TRPM3: variants seen among roughly 807,000 people sequenced by gnomAD.
TRPM3 encodes the protein long transient receptor potential channel 3.
A neutral mutation model predicts 181.2 loss-of-function variants in TRPM3; 77 were observed. The observed-to-expected ratio is 0.42, with a 90% CI of 0.35 to 0.51. The LOEUF (loss-of-function observed/expected upper bound fraction) is 0.51, where lower values mean the gene tolerates loss of function less well. Ranked by LOEUF, TRPM3 falls within the 20% of genes least tolerant of loss-of-function variation. The pLI is 0.01. For synonymous variants in TRPM3, 745 were observed against 796.4 expected (o/e 0.94, Z 1.09); for missense variants, 1,759 against 2,196.7 (o/e 0.80, Z 3.98).
intron 1 of TRPM3, among the ~76,000 whole-genome samples, chr9:71,177,780 A>G (rs999949804): frequency 2.6e-5 from 4 of 152,022 alleles, no homozygotes; most frequent in Admixed American, 6.6e-5. Flanking sequence ...GGACTAGCAC[A>G]CTAAGGCTTG....
At chr9:71,246,650 T>A (rs2082051049) in intron 1 of TRPM3, among the ~76,000 whole-genome samples, 1 of 152,246 alleles carries the variant, frequency 6.6e-6, no homozygotes, top group South Asian at 2.1e-4. Context: ...TAACTGGCAT[T>A]CGCATACAAT....
At chr9:70,797,913 C>A (rs1008462172) in intron 6 of TRPM3, among the ~76,000 whole-genome samples, 4 of 152,202 alleles carry the variant, frequency 2.6e-5, no homozygotes, top group African/African-American at 9.7e-5. Context: ...TGTCATTAAA[C>A]CCACTTGGCC....
chr9:70,606,879 C>G (rs1308097462), intron 19 of TRPM3, among the ~76,000 whole-genome samples: 1 of 152,192 alleles, frequency 6.6e-6, no homozygotes, highest in Middle Eastern at 3.4e-3. Context: ...TGCTATGGAT[C>G]CCTGGTGGGG....
chr9:71,314,005 T>G (rs1342446775), intron 1 of TRPM3, among the ~76,000 whole-genome samples: 2 of 152,176 alleles, frequency 1.3e-5, no homozygotes, highest in Admixed American at 6.6e-5. Context: ...TGTAAAATTC[T>G]TTTCCATGTC....
intron 1 of TRPM3, among the ~76,000 whole-genome samples, chr9:70,967,057 G>T (rs371681585): frequency 7.4e-6 from 1 of 134,654 alleles, no homozygotes; most frequent in South Asian, 2.4e-4. Flanking sequence ...AAAAGAAGCA[G>T]TTTTCCCTTG....
chr9:71,010,283 G>C (rs926494682), intron 1 of TRPM3, among the ~76,000 whole-genome samples: 3 of 152,100 alleles, frequency 2.0e-5, no homozygotes, highest in African/African-American at 7.2e-5. Flanking sequence ...GAGTAACAGA[G>C]TGAATAAACA....
chr9:71,055,116 A>G (rs2060508956), intron 1 of TRPM3, among the ~76,000 whole-genome samples: 1 of 152,082 alleles, frequency 6.6e-6, no homozygotes, highest in Non-Finnish European at 1.5e-5. Flanking sequence ...CTTAGGTTGT[A>G]TTTCGACCAT....
At chr9:70,877,762 T>C (rs142223181) in intron 1 of TRPM3, among the ~76,000 whole-genome samples, 193 of 150,924 alleles carry the variant, frequency 1.3e-3, no homozygotes, top group African/African-American at 4.5e-3. Context: ...AAATGATACC[T>C]TGTTTTCCGT....
At chr9:71,136,967 T>C (rs1469000742) in intron 1 of TRPM3, among the ~76,000 whole-genome samples, 2 of 152,176 alleles carry the variant, frequency 1.3e-5, no homozygotes, top group Non-Finnish European at 2.9e-5. Context: ...TTGAGGTTTT[T>C]AAGTGTGCAG....
chr9:70,949,238 A>G (rs2096969718), intron 1 of TRPM3, among the ~76,000 whole-genome samples: 1 of 151,992 alleles, frequency 6.6e-6, no homozygotes, highest in African/African-American at 2.4e-5. Flanking sequence ...AATAATTTTT[A>G]GTAGAGATGA....
chr9:71,125,235 G>A (rs948156419), upstream of TRPM3, among the ~76,000 whole-genome samples: 5 of 151,972 alleles, frequency 3.3e-5, no homozygotes, highest in South Asian at 4.2e-4. Flanking sequence ...CAGTATACAC[G>A]TGCAGGATGT....
In TRPM3 at chr9:70,532,953, T is replaced by G. The variant is rs2041092612; in HGVS notation, c.*3000A>C. 1 of 152,028 alleles carries G rather than the reference T, an allele frequency of 6.6e-6. No homozygotes were observed. The highest frequency in any genetic ancestry group is 1.5e-5 in the Non-Finnish European group (1 of 68,028). 9.4% of individuals were successfully genotyped at this position (152,028 alleles called of 1,614,324 possible). A position where few individuals can be genotyped will look rare whatever the true frequency, so the allele number is the denominator to read the frequency against. Reference sequence around the variant, plus strand: ...AAATGGAAGGAAATGGACTGAAAAATAACACACATACATGTGCACAGGAAG... The same window carrying G: ...AAATGGAAGGAAATGGACTGAAAAAGAACACACATACATGTGCACAGGAAG... On this transcript the variant is annotated 3_prime_UTR_variant, in exon 26 of 26. Transcript: ENST00000677713.
chr9:70,809,322 C>A (rs1311473971), intron 6 of TRPM3, among the ~76,000 whole-genome samples: 1 of 152,094 alleles, frequency 6.6e-6, no homozygotes, highest in East Asian at 1.9e-4. Context: ...CCTAATTATA[C>A]AGTGTTTATA....
In TRPM3 at chr9:70,620,341, T is replaced by G; in HGVS notation, c.1864A>C (p.Arg622=). ...TCTTCACGTTTCTTGGTTGTCTTTC[T>G]TCCTCGCCTCAAGGGAATATCATCC... is the stretch of plus-strand genomic sequence containing the variant. ...MEDDIPLRRG[R]KTTKKREEEV... Residue 622 remains arginine (R), a synonymous_variant, in exon 16 of 26, where the codon AGA becomes CGA. Transcript: ENST00000677713. 6.2e-7 allele frequency: 1 copy of G among 1,613,350 alleles called. No individual in the cohort carries two copies. The highest frequency in any genetic ancestry group is 1.3e-5 in the African/African-American group (1 of 75,060).
chr9:71,319,604 T>C (rs1787850908), intron 1 of TRPM3, among the ~76,000 whole-genome samples: 1 of 152,148 alleles, frequency 6.6e-6, no homozygotes, highest in Non-Finnish European at 1.5e-5. Context: ...AATGCCCTCA[T>C]AGACATACCC....
At position 70,916,086 on chromosome 9, in the gene TRPM3, T is replaced by C. The variant is rs1305110677; in HGVS notation, c.178-51575A>G. Reference sequence around the variant, plus strand: ...CCTTATAGGCCAGGAGAAAGTGGCATGGCATAGTTAAAGTGCTGAAGGAAG... The same window carrying C: ...CCTTATAGGCCAGGAGAAAGTGGCACGGCATAGTTAAAGTGCTGAAGGAAG... On this transcript the variant is annotated intron_variant, in intron 1 of 25. Coordinates refer to ENST00000677713, the MANE Select transcript of TRPM3 (RefSeq NM_001366145.2). 2.6e-5 allele frequency among the ~76,000 whole-genome samples: 4 copies of C among 152,232 alleles called. No individual in the cohort carries two copies. In the East Asian group the frequency reaches 5.8e-4, roughly 22 times the overall value.
At chr9:70,619,438 G>A (rs991342762) in intron 16 of TRPM3, among the ~76,000 whole-genome samples, 3 of 112,006 alleles carry the variant, frequency 2.7e-5, no homozygotes, top group Non-Finnish European at 5.3e-5. Flanking sequence ...TTTTGAGACA[G>A]GGTCTCTCTC....
intron 18 of TRPM3, among the ~76,000 whole-genome samples, chr9:70,612,076 T>C (rs1414726568): frequency 1.3e-5 from 2 of 152,190 alleles, no homozygotes; most frequent in Non-Finnish European, 2.9e-5. Flanking sequence ...ACAAGTCAGG[T>C]AGCATCTGGC....
chr9:70,620,050 C>T, intron 16 of TRPM3, 26 bp downstream of exon 16: 2 of 1,584,624 alleles, frequency 1.3e-6, no homozygotes, highest in Non-Finnish European at 1.7e-6. Flanking sequence ...TCCCCCTGAC[C>T]AGCCCATTTT....
Sources: gnomAD v4.1 joint callset for allele counts (sites outside exome capture counted in the v4.1 genomes callset) on GRCh38, gnomAD v4.1.1 for gene constraint, MANE v1.5 for transcripts, NCBI Gene and HGNC (gene_info 2026-07-23, HGNC 2026-07-21) for gene names.